The following RORA variants were observed in gnomAD, a reference collection of about 807,000 sequenced individuals.
The protein encoded by RORA is nuclear receptor ROR-alpha.
RORA carries 7 observed loss-of-function variants against 69.5 expected under a neutral mutation model. The ratio of observed to expected loss-of-function variants is 0.10; its 90% CI spans 0.06 to 0.19. The LOEUF is 0.19. Ranked by LOEUF, RORA falls within the 10% of genes least tolerant of loss-of-function variation. The pLI is 1.00. For missense variants in RORA, 457 were observed against 663.0 expected (o/e 0.69, Z 3.41); for synonymous variants, 261 against 240.8 (o/e 1.08, Z -0.78).
intron 1 of RORA, among the ~76,000 whole-genome samples, chr15:61,210,443 C>T (rs2079980619): frequency 6.6e-6 from 1 of 152,040 alleles, no homozygotes; most frequent in African/African-American, 2.4e-5. Context: ...AAAAAGATTC[C>T]ATTTCGATTC....
At chr15:61,094,251 G>A (rs2078756304) in intron 1 of RORA, among the ~76,000 whole-genome samples, 1 of 152,142 alleles carries the variant, frequency 6.6e-6, no homozygotes, top group African/African-American at 2.4e-5. Flanking sequence ...CAGAAGTCTT[G>A]CCCCCAGAAA....
intron 1 of RORA, among the ~76,000 whole-genome samples, chr15:60,796,508 C>T (rs557162881): frequency 1.8e-4 from 25 of 139,620 alleles, no homozygotes; most frequent in South Asian, 6.8e-4. Context: ...ATCCACCCCC[C>T]GCCAAAAAAA....
chr15:60,758,069 TTC>T (rs2071828062), intron 1 of RORA, among the ~76,000 whole-genome samples: 1 of 152,226 alleles, frequency 6.6e-6, no homozygotes, highest in South Asian at 2.1e-4. Context: ...GCTATTTGCT[TTC>T]TTTGACCTAT....
intron 1 of RORA, among the ~76,000 whole-genome samples, chr15:60,944,418 T>C (rs1441233490): frequency 5.9e-5 from 9 of 151,942 alleles, no homozygotes; most frequent in Non-Finnish European, 1.3e-4. Flanking sequence ...GAAAACCGTA[T>C]ACAATAAGCA....
intron 2 of RORA, 145 bp downstream of exon 2, chr15:60,678,512 C>A (rs1425154185): frequency 2.9e-6 from 2 of 680,886 alleles, no homozygotes; most frequent in East Asian, 5.1e-5. Context: ...CACTTCCGAC[C>A]ACTACAGATT....
intron 1 of RORA, among the ~76,000 whole-genome samples, chr15:60,709,484 T>C (rs1400673052): frequency 6.6e-6 from 1 of 152,190 alleles, no homozygotes; most frequent in Non-Finnish European, 1.5e-5. Context: ...TGTTAGGAAC[T>C]GGACCGCACA....
At chr15:60,692,955 C>T (rs1012512416) in intron 1 of RORA, among the ~76,000 whole-genome samples, 8 of 152,178 alleles carry the variant, frequency 5.3e-5, no homozygotes, top group African/African-American at 1.9e-4. Context: ...TTCTATGAGG[C>T]CAGCATCATC....
chr15:60,843,562 C>T (rs904859913), intron 1 of RORA, among the ~76,000 whole-genome samples: 7 of 152,184 alleles, frequency 4.6e-5, no homozygotes, highest in African/African-American at 1.7e-4. Flanking sequence ...CCACTAGCTG[C>T]CCAAGGGCAA....
chr15:60,978,275 C>G (rs1228361584), intron 1 of RORA, among the ~76,000 whole-genome samples: 2 of 152,154 alleles, frequency 1.3e-5, no homozygotes, highest in African/African-American at 4.8e-5. Context: ...TGTGTTCTTT[C>G]ATGAACATCT....
chr15:60,614,367 C>A (rs2069174056), intron 2 of RORA, among the ~76,000 whole-genome samples: 1 of 152,000 alleles, frequency 6.6e-6, no homozygotes, highest in Non-Finnish European at 1.5e-5. Flanking sequence ...AGATAGTAGA[C>A]CCTAAATCGA....
intron 1 of RORA, among the ~76,000 whole-genome samples, chr15:60,748,946 T>C (rs553392366): frequency 2.0e-5 from 3 of 152,294 alleles, no homozygotes; most frequent in Non-Finnish European, 4.4e-5. Context: ...CCTTAATCAA[T>C]GTATAAGTGA....
intron 1 of RORA, among the ~76,000 whole-genome samples, chr15:60,902,776 A>G (rs1173569376): frequency 1.3e-5 from 2 of 152,366 alleles, no homozygotes; most frequent in Non-Finnish European, 1.5e-5. Flanking sequence ...CACTGAATTC[A>G]GAGTTAGGGA....
At position 60,488,319 on chromosome 15, in the gene RORA, A is replaced by C. The variant is rs1484805232; in HGVS notation, c.*9136T>G. ...AGCTGAAGTTTTATTATAGGATAAC[A>C]GTACATAAAGCACATCTAAAATTGA... is the stretch of plus-strand genomic sequence containing the variant. On this transcript the variant is annotated 3_prime_UTR_variant, in exon 11 of 11. Transcript: ENST00000335670. 3 of 152,276 alleles carry C rather than the reference A, an allele frequency of 2.0e-5. No individual in the cohort carries two copies. In the East Asian group the frequency reaches 5.8e-4, roughly 29 times the overall value. The allele number at this position is 152,276 out of a possible 1,614,324, so 9.4% of individuals were successfully genotyped here.
intron 1 of RORA, among the ~76,000 whole-genome samples, chr15:61,210,992 C>A (rs1416645350): frequency 5.9e-5 from 9 of 152,210 alleles, no homozygotes; most frequent in Non-Finnish European, 1.3e-4. Flanking sequence ...GAAGGTGGTT[C>A]TCAGGTAACC....
chr15:60,866,970 A>T (rs2073496951), intron 1 of RORA, among the ~76,000 whole-genome samples: 1 of 151,896 alleles, frequency 6.6e-6, no homozygotes, highest in South Asian at 2.1e-4. Context: ...GGCTCAAGCG[A>T]TTCTCATGCC....
rs777095861 is a variant in RORA at position 60,838,881 on chromosome 15, CACACACATATACT to C, written c.167-160208_167-160196del. 2.0e-3 allele frequency among the ~76,000 whole-genome samples: 123 copies of C among 60,940 alleles called. 1 individual carries two copies. Among genetic ancestry groups the C allele is most frequent in the Non-Finnish European group, 4.3e-3 (93 of 21,744 alleles). 40.0% of individuals were successfully genotyped at this position (60,940 alleles called of 152,430 possible). On this transcript the variant is annotated intron_variant, in intron 1 of 10. Transcript: ENST00000335670. ...ACACACACACACACACACACACACACACACACATATACTTTTTTTTTTTTTCAGAGGGTGTCTC... is the reference window on the plus strand; with the variant it reads ...ACACACACACACACACACACACACACTTTTTTTTTTTTCAGAGGGTGTCTC...
At chr15:60,508,848 T>A (rs2065599083) in intron 5 of RORA, among the ~76,000 whole-genome samples, 1 of 152,188 alleles carries the variant, frequency 6.6e-6, no homozygotes. Context: ...CAAACCTAAT[T>A]TGCACTTAAA....
chr15:60,517,198 G>T (rs2065994052), intron 3 of RORA, among the ~76,000 whole-genome samples: 3 of 151,362 alleles, frequency 2.0e-5, no homozygotes. Context: ...CTTTGTAATG[G>T]CTGGGGGCCT....
intron 1 of RORA, among the ~76,000 whole-genome samples, chr15:60,854,004 C>A (rs925667591): frequency 6.6e-6 from 1 of 152,168 alleles, no homozygotes; most frequent in Non-Finnish European, 1.5e-5. Flanking sequence ...TGGCTTACTC[C>A]TGTAATCCCA....
Sources: allele counts gnomAD v4.1 joint callset (sites outside exome capture counted in the v4.1 genomes callset), GRCh38; gene constraint gnomAD v4.1.1; transcripts MANE v1.5; gene names NCBI Gene and HGNC (gene_info 2026-07-23, HGNC 2026-07-21).